TMEM209: variants seen among roughly 807,000 people sequenced by gnomAD.
TMEM209 encodes the protein transmembrane protein 209.
In TMEM209, 65 loss-of-function variants were observed where a neutral mutation model predicts 76.2. The ratio of observed to expected loss-of-function variants is 0.85; its 90% confidence interval spans 0.70 to 1.05. TMEM209 has a LOEUF of 1.05. TMEM209 is among the 50% of genes least tolerant of loss of function. The pLI is 0.00. For missense variants in TMEM209, 623 were observed against 685.5 expected (o/e 0.91, Z 1.02); for synonymous variants, 239 against 237.6 (o/e 1.01, Z -0.06).
chr7:130,194,599 G>C (rs897923784), intron 5 of TMEM209, among the ~76,000 whole-genome samples: 1 of 152,098 alleles, frequency 6.6e-6, no homozygotes, highest in Non-Finnish European at 1.5e-5. Flanking sequence ...AATGAAGATA[G>C]CTGTACATAA....
At chr7:130,179,197 T>C (rs1389785949) in intron 9 of TMEM209, among the ~76,000 whole-genome samples, 1 of 152,100 alleles carries the variant, frequency 6.6e-6, no homozygotes, top group African/African-American at 2.4e-5. Flanking sequence ...GTGCCCAGAA[T>C]AGTATTAACA....
chr7:130,194,637 T>A, intron 5 of TMEM209, among the ~76,000 whole-genome samples: 1 of 152,338 alleles, frequency 6.6e-6, no homozygotes, highest in East Asian at 1.9e-4. Flanking sequence ...TGATGGCTTC[T>A]TTAACAGATG....
At chr7:130,168,784 A>C (rs1796956989) in intron 14 of TMEM209, among the ~76,000 whole-genome samples, 1 of 152,196 alleles carries the variant, frequency 6.6e-6, no homozygotes, top group Admixed American at 6.5e-5. Flanking sequence ...CTCTACACAT[A>C]ATTAGAAATT....
chr7:130,175,748 T>A, intron 10 of TMEM209, 139 bp from the exon 11 acceptor site: 1 of 654,920 alleles, frequency 1.5e-6, no homozygotes, highest in East Asian at 2.8e-5. Flanking sequence ...AAATAAAAGA[T>A]ATAAAAAGAC....
intron 10 of TMEM209, among the ~76,000 whole-genome samples, chr7:130,176,934 C>A (rs1376098362): frequency 6.6e-6 from 1 of 150,988 alleles, no homozygotes; most frequent in Admixed American, 6.6e-5. Context: ...GGGAGGATTG[C>A]CATAGCCAGG....
At chr7:130,183,296 G>T (rs928139060) in intron 8 of TMEM209, among the ~76,000 whole-genome samples, 1 of 152,120 alleles carries the variant, frequency 6.6e-6, no homozygotes, top group African/African-American at 2.4e-5. Flanking sequence ...CTCTTTGGCT[G>T]TAACAAAATT....
chr7:130,199,592 T>TA (rs1279714272), intron 5 of TMEM209, among the ~76,000 whole-genome samples: 1 of 151,934 alleles, frequency 6.6e-6, no homozygotes, highest in Non-Finnish European at 1.5e-5. Flanking sequence ...ATTACTAAGG[T>TA]AAAAAAAACT....
intron 10 of TMEM209, among the ~76,000 whole-genome samples, chr7:130,176,913 G>C (rs981283666): frequency 6.6e-6 from 1 of 151,822 alleles, no homozygotes; most frequent in Non-Finnish European, 1.5e-5. Context: ...AGCACTTTGG[G>C]AGGCTGAGGA....
rs1798204390 is a variant in TMEM209, at chr7:130,201,656, AAATGCTAATTTTTTCTCTT to A, written c.573+175_573+193del. On this transcript the variant is annotated intron_variant, in intron 5 of 14. Transcript: ENST00000397622. ...GGTGCACTAAGTTTGTTATCTCTGT[AAATGCTAATTTTTTCTCTT>A]TCATTTTAAGATGTTGTGTTTAAGA... Among the ~76,000 whole-genome samples the A allele has an allele frequency of 1.3e-5, 2 of 152,310 alleles. 1 individual carries two copies. Among genetic ancestry groups the A allele is most frequent in the Middle Eastern group, 6.8e-3 (2 of 294 alleles).
chr7:130,178,619 G>A, intron 9 of TMEM209, 92 bp from the exon 10 acceptor site: 2 of 1,459,060 alleles, frequency 1.4e-6, no homozygotes, highest in Non-Finnish European at 9.3e-7. Flanking sequence ...CATACAGCTG[G>A]TTCCTCACTA....
intron 5 of TMEM209, among the ~76,000 whole-genome samples, chr7:130,200,732 C>A (rs10269124): frequency 5.4e-4 from 82 of 152,132 alleles, no homozygotes; most frequent in Middle Eastern, 3.4e-3. Flanking sequence ...TATATACTTT[C>A]TCATAAAAAT....
At chr7:130,203,082 CCTT>C (rs756408693) in intron 3 of TMEM209, among the ~76,000 whole-genome samples, 7 of 150,920 alleles carry the variant, frequency 4.6e-5, no homozygotes, top group South Asian at 2.1e-4. Flanking sequence ...GAGTGAGACT[CCTT>C]CTCAAAAAAA....
intron 9 of TMEM209, among the ~76,000 whole-genome samples, chr7:130,180,419 T>C (rs1412115883): frequency 6.6e-6 from 1 of 152,076 alleles, no homozygotes; most frequent in Non-Finnish European, 1.5e-5. Context: ...AGTCTCGCTC[T>C]TGCCCCCCAG....
chr7:130,177,013 G>A (rs190547081), intron 10 of TMEM209, among the ~76,000 whole-genome samples: 123 of 128,582 alleles, frequency 9.6e-4, no homozygotes, highest in Admixed American at 2.3e-3. Context: ...CTGGGTGACA[G>A]AGCGAGCCGG....
At chr7:130,178,379 T>C (rs748012314) in intron 10 of TMEM209, 23 bp downstream of exon 10, 41 of 1,566,786 alleles carry the variant, frequency 2.6e-5, no homozygotes, top group Non-Finnish European at 3.5e-5. Flanking sequence ...CTCTTATTTT[T>C]TTCTCTTCAA....
intron 6 of TMEM209, among the ~76,000 whole-genome samples, chr7:130,186,670 C>CA (rs948849989): frequency 6.0e-4 from 91 of 152,072 alleles, no homozygotes; most frequent in African/African-American, 1.8e-3. Flanking sequence ...TGGCTTTAGA[C>CA]AATGAATAGA....
At chr7:130,184,131 C>T in intron 8 of TMEM209, 53 bp downstream of exon 8, 1 of 1,217,886 alleles carries the variant, frequency 8.2e-7, no homozygotes, top group Admixed American at 2.3e-5. Context: ...TAATAACATG[C>T]TTTGCATATT....
chr7:130,184,691 C>G (rs1011461564), intron 7 of TMEM209, among the ~76,000 whole-genome samples: 2 of 152,144 alleles, frequency 1.3e-5, no homozygotes, highest in African/African-American at 4.8e-5. Context: ...CAGGGTTTCA[C>G]CATGTTGGCC....
chr7:130,192,508 A>C, intron 6 of TMEM209, 114 bp downstream of exon 6: 1 of 932,540 alleles, frequency 1.1e-6, no homozygotes. Context: ...AAAGTAAAAC[A>C]AAACATGCTA....
Sources: gnomAD v4.1 joint callset for allele counts (sites outside exome capture counted in the v4.1 genomes callset) on GRCh38, gnomAD v4.1.1 for gene constraint, MANE v1.5 for transcripts, NCBI Gene and HGNC (gene_info 2026-07-23, HGNC 2026-07-21) for gene names.